Variants in ERC2 observed in about 807,000 individuals in gnomAD.
ERC2 encodes ERC protein 2.
A neutral mutation model predicts 114.8 loss-of-function variants in ERC2; 42 were observed. The observed-to-expected ratio is 0.37, with a 90% CI of 0.29 to 0.47. The LOEUF (loss-of-function observed/expected upper bound fraction) is 0.47. Among genes scored for constraint, ERC2 ranks in the 20% least tolerant of loss-of-function variants. The probability of loss-of-function intolerance (pLI) is 0.99; values close to 1 mark genes in which losing one functional copy is unlikely to be tolerated. For synonymous variants in ERC2, 454 were observed against 425.5 expected (o/e 1.07, Z -0.82); for missense variants, 939 against 1,150.7 (o/e 0.82, Z 2.66).
chr3:55,663,647 C>G (rs573239203), intron 17 of ERC2, among the ~76,000 whole-genome samples: 1 of 152,306 alleles, frequency 6.6e-6, no homozygotes, highest in African/African-American at 2.4e-5. Context: ...GAAAGGGAGG[C>G]AGAATGTGGC....
At chr3:56,437,345 C>T (rs996626194) in intron 1 of ERC2, among the ~76,000 whole-genome samples, 1 of 152,200 alleles carries the variant, frequency 6.6e-6, no homozygotes, top group Admixed American at 6.5e-5. Context: ...GGGGCATGAG[C>T]GAGCCCAGCT....
At chr3:55,634,371 T>G (rs1041389895) in intron 17 of ERC2, among the ~76,000 whole-genome samples, 1 of 152,238 alleles carries the variant, frequency 6.6e-6, no homozygotes, top group Non-Finnish European at 1.5e-5. Flanking sequence ...GGGACCAGCC[T>G]GCTCTATTTC....
intron 2 of ERC2, among the ~76,000 whole-genome samples, chr3:56,318,990 A>C (rs2057002162): frequency 6.6e-6 from 1 of 151,548 alleles, no homozygotes; most frequent in Non-Finnish European, 1.5e-5. Context: ...AAAGATAACA[A>C]GTCTTGGTAA....
chr3:55,847,213 C>A (rs569614474), intron 14 of ERC2, among the ~76,000 whole-genome samples: 15 of 152,166 alleles, frequency 9.9e-5, no homozygotes, highest in Admixed American at 2.6e-4. Context: ...AATGGGAGAA[C>A]TTTACAGGCT....
intron 7 of ERC2, among the ~76,000 whole-genome samples, chr3:56,064,034 T>C (rs1405749056): frequency 2.6e-5 from 4 of 152,178 alleles, no homozygotes; most frequent in African/African-American, 7.2e-5. Flanking sequence ...GAAAAAAAAT[T>C]TTTTTAAAGA....
chr3:55,866,408 C>T (rs2062316551), intron 14 of ERC2, among the ~76,000 whole-genome samples: 1 of 152,056 alleles, frequency 6.6e-6, no homozygotes, highest in African/African-American at 2.4e-5. Flanking sequence ...TATTTTCTCC[C>T]ACATTGTAGT....
At chr3:56,448,992 G>A (rs914052071) in intron 1 of ERC2, among the ~76,000 whole-genome samples, 3 of 150,080 alleles carry the variant, frequency 2.0e-5, no homozygotes, top group Non-Finnish European at 3.0e-5. Context: ...GGAGAATGGC[G>A]TGAACCCAGG....
At chr3:55,592,442 T>A (rs1299828283) in intron 17 of ERC2, among the ~76,000 whole-genome samples, 2 of 152,096 alleles carry the variant, frequency 1.3e-5, no homozygotes, top group East Asian at 3.9e-4. Flanking sequence ...TCTTTTGGGA[T>A]TTGGCTGACA....
chr3:55,622,243 T>C (rs1472385671), intron 17 of ERC2, among the ~76,000 whole-genome samples: 1 of 152,102 alleles, frequency 6.6e-6, no homozygotes. Context: ...CCACCTGATA[T>C]AACAAATATG....
At chr3:55,653,208 C>T (rs1280538559) in intron 17 of ERC2, among the ~76,000 whole-genome samples, 1 of 26,414 alleles carries the variant, frequency 3.8e-5, no homozygotes, top group Non-Finnish European at 8.1e-5. Context: ...TTACACCATA[C>T]ATATATATTT....
intron 14 of ERC2, among the ~76,000 whole-genome samples, chr3:55,754,388 T>C (rs2066915399): frequency 6.6e-6 from 1 of 151,628 alleles, no homozygotes; most frequent in South Asian, 2.1e-4. Context: ...AAAATGACAG[T>C]GTAACTAAGA....
At chr3:55,842,813 G>A (rs1342604870) in intron 14 of ERC2, among the ~76,000 whole-genome samples, 1 of 152,028 alleles carries the variant, frequency 6.6e-6, no homozygotes, top group Admixed American at 6.6e-5. Context: ...ACCAAGAAAC[G>A]ATCAAACGTT....
intron 14 of ERC2, among the ~76,000 whole-genome samples, chr3:55,741,330 C>T: frequency 6.6e-6 from 1 of 151,676 alleles, no homozygotes; most frequent in East Asian, 1.9e-4. Flanking sequence ...TTTGGTCCAG[C>T]CATTGAAAAA....
Position 55,810,465 on chromosome 3 carries a change from C to T in ERC2, c.2565-75547G>A, listed in dbSNP as rs552457568. Among the ~76,000 whole-genome samples, 72 of 146,472 alleles carry T rather than the reference C, an allele frequency of 4.9e-4. 1 individual carries two copies. The highest frequency in any genetic ancestry group is 8.8e-4 in the Admixed American group (13 of 14,782). Reference sequence around the variant, plus strand: ...ATATGTAGAAGGTCTCTCTCTCCCTCTTTTTTTTTTTGTTTGAGACGGAGT... The same window carrying T: ...ATATGTAGAAGGTCTCTCTCTCCCTTTTTTTTTTTTTGTTTGAGACGGAGT... On this transcript the variant is annotated intron_variant, in intron 14 of 17. Transcript: ENST00000288221.
chr3:56,124,816 G>C (rs1443715832), intron 6 of ERC2, among the ~76,000 whole-genome samples: 1 of 151,956 alleles, frequency 6.6e-6, no homozygotes, highest in African/African-American at 2.4e-5. Context: ...CAAAAACAAA[G>C]AAAAAAGTGG....
chr3:55,535,224 T>G (rs922524340), intron 17 of ERC2, among the ~76,000 whole-genome samples: 4 of 152,174 alleles, frequency 2.6e-5, no homozygotes, highest in African/African-American at 4.8e-5. Flanking sequence ...TTTCTTCAGC[T>G]CCTCTTCTAA....
chr3:55,727,420 T>C (rs551838936), intron 15 of ERC2, among the ~76,000 whole-genome samples: 1 of 152,332 alleles, frequency 6.6e-6, no homozygotes, highest in East Asian at 1.9e-4. Context: ...TGGATAGTTT[T>C]AGATATCTAC....
intron 9 of ERC2, among the ~76,000 whole-genome samples, chr3:56,009,644 T>C (rs2072764434): frequency 6.6e-6 from 1 of 152,118 alleles, no homozygotes; most frequent in Non-Finnish European, 1.5e-5. Flanking sequence ...AGGGGCCAAT[T>C]GCAGGCAATC....
chr3:56,130,859 A>G lies in ERC2; in HGVS notation c.1473+8650T>C, dbSNP rs572019111. Among the ~76,000 whole-genome samples, 13 of 152,266 alleles carry G rather than the reference A, an allele frequency of 8.5e-5. 1 individual carries two copies. In the South Asian group the frequency reaches 2.7e-3, roughly 32 times the overall value. ...AAGGTAAATGTGGCCCCTATAGACA[A>G]TTCCTTCATTTGCTAGATACAGGGA... On this transcript the variant is annotated intron_variant, in intron 6 of 17. Transcript: ENST00000288221.
Sources: allele counts gnomAD v4.1 joint callset (sites outside exome capture counted in the v4.1 genomes callset), GRCh38; gene constraint gnomAD v4.1.1; transcripts MANE v1.5; gene names NCBI Gene and HGNC (gene_info 2026-07-23, HGNC 2026-07-21).